The following FOCAD variants were observed in gnomAD, a reference collection of about 807,000 sequenced individuals.
The protein encoded by FOCAD is KIAA1797.
Under a neutral mutation model 225.6 loss-of-function variants are expected in FOCAD, and 198 were observed. That is an observed-to-expected ratio of 0.88 (90% confidence interval 0.78 to 0.99). FOCAD has a LOEUF of 0.99. Among genes scored for constraint, FOCAD ranks in the 50% least tolerant of loss-of-function variants. The pLI is 0.00. For synonymous variants in FOCAD, 897 were observed against 755.0 expected, an observed-to-expected ratio of 1.19 and a Z score of -3.08; for missense variants, 2,713 against 2,123.6, an observed-to-expected ratio of 1.28 and a Z score of -5.46.
chr9:20,828,438 A>G (rs1359834639), intron 15 of FOCAD, among the ~76,000 whole-genome samples: 3 of 152,020 alleles, frequency 2.0e-5, no homozygotes, highest in Non-Finnish European at 4.4e-5. Flanking sequence ...TCATTTTGGT[A>G]GGTAGATCTC....
intron 21 of FOCAD, among the ~76,000 whole-genome samples, chr9:20,889,675 G>A (rs1831443707): frequency 6.6e-6 from 1 of 152,144 alleles, no homozygotes; most frequent in Non-Finnish European, 1.5e-5. Flanking sequence ...CAAGTAGTAT[G>A]AGTCTTCCAA....
At chr9:20,768,476 A>G (rs892730881) in intron 7 of FOCAD, among the ~76,000 whole-genome samples, 1 of 151,568 alleles carries the variant, frequency 6.6e-6, no homozygotes, top group African/African-American at 2.4e-5. Flanking sequence ...ATGTTCTTCC[A>G]TTTGTTTGTA....
intron 11 of FOCAD, among the ~76,000 whole-genome samples, chr9:20,807,780 T>C (rs907538979): frequency 6.6e-6 from 1 of 152,182 alleles, no homozygotes; most frequent in Admixed American, 6.5e-5. Flanking sequence ...CTGGGTGTGG[T>C]GGTTCACGCC....
intron 33 of FOCAD, among the ~76,000 whole-genome samples, 177 bp downstream of exon 33, chr9:20,949,852 C>T (rs1179429983): frequency 6.6e-6 from 1 of 152,030 alleles, no homozygotes; most frequent in East Asian, 1.9e-4. Flanking sequence ...GACAAACATG[C>T]ACTACCTTTG....
chr9:20,693,682 T>G (rs1823119062), intron 1 of FOCAD, among the ~76,000 whole-genome samples: 1 of 152,060 alleles, frequency 6.6e-6, no homozygotes, highest in Non-Finnish European at 1.5e-5. Flanking sequence ...CCTGGTCTCC[T>G]TTGCAAGTAC....
chr9:20,693,581 T>C (rs2131360056), intron 1 of FOCAD, among the ~76,000 whole-genome samples: 1 of 152,366 alleles, frequency 6.6e-6, no homozygotes, highest in South Asian at 2.1e-4. Context: ...ATTTCTTAAA[T>C]GGAGGAATGA....
chr9:20,704,331 T>A (rs1318738554), intron 1 of FOCAD, among the ~76,000 whole-genome samples: 1 of 152,222 alleles, frequency 6.6e-6, no homozygotes, highest in East Asian at 1.9e-4. Flanking sequence ...TCTTCAGCTT[T>A]CATTAGCACT....
chr9:20,917,047 A>G (rs1212920058), intron 24 of FOCAD, 110 bp downstream of exon 24: 1 of 796,712 alleles, frequency 1.3e-6, no homozygotes, highest in Middle Eastern at 3.1e-4. Flanking sequence ...ATTTTAGAGT[A>G]CTTTTCAATT....
intron 1 of FOCAD, among the ~76,000 whole-genome samples, chr9:20,705,908 C>A (rs1220653855): frequency 1.4e-5 from 2 of 141,534 alleles, no homozygotes; most frequent in African/African-American, 2.6e-5. Flanking sequence ...ACTAGTTAGG[C>A]ATTATTCAGT....
At chr9:20,886,042 A>C (rs982830003) in intron 21 of FOCAD, among the ~76,000 whole-genome samples, 5 of 152,196 alleles carry the variant, frequency 3.3e-5, no homozygotes, top group African/African-American at 1.2e-4. Context: ...TAATTTATAC[A>C]TTTGGTTGTA....
intron 17 of FOCAD, among the ~76,000 whole-genome samples, 182 bp from the exon 18 acceptor site, chr9:20,866,747 T>C (rs1163193829): frequency 6.6e-6 from 1 of 151,882 alleles, no homozygotes; most frequent in Non-Finnish European, 1.5e-5. Flanking sequence ...TTGAAATTGC[T>C]AGTAAATATC....
chr9:20,779,002 T>C (rs1015975408), intron 9 of FOCAD, among the ~76,000 whole-genome samples: 14 of 152,232 alleles, frequency 9.2e-5, no homozygotes, highest in African/African-American at 3.4e-4. Flanking sequence ...AATCTAACCT[T>C]ATATGGCAGT....
At chr9:20,766,677 T>A (rs1056489675) in intron 7 of FOCAD, among the ~76,000 whole-genome samples, 1 of 152,064 alleles carries the variant, frequency 6.6e-6, no homozygotes, top group South Asian at 2.1e-4. Context: ...TTCCTTATTT[T>A]TTTCTTCACT....
intron 11 of FOCAD, among the ~76,000 whole-genome samples, chr9:20,804,380 T>G (rs1368685434): frequency 6.6e-6 from 1 of 152,084 alleles, no homozygotes; most frequent in Admixed American, 6.5e-5. Flanking sequence ...TCAGTGAACA[T>G]TTGATGAGTT....
chr9:20,677,225 A>T (rs1044690694), intron 2 of FOCAD, among the ~76,000 whole-genome samples: 7 of 152,228 alleles, frequency 4.6e-5, no homozygotes, highest in Non-Finnish European at 8.8e-5. Flanking sequence ...GTCAACTAAA[A>T]CAGATTAAAT....
At chr9:20,739,871 G>C (rs1827466508) in intron 4 of FOCAD, among the ~76,000 whole-genome samples, 1 of 152,028 alleles carries the variant, frequency 6.6e-6, no homozygotes, top group Non-Finnish European at 1.5e-5. Context: ...CATATATTTG[G>C]TTATTTTTCA....
chr9:20,861,105 A>G (rs1038503938), intron 15 of FOCAD, among the ~76,000 whole-genome samples: 2 of 151,956 alleles, frequency 1.3e-5, no homozygotes, highest in Non-Finnish European at 2.9e-5. Context: ...GATGACTCCT[A>G]CCCATTGACT....
chr9:20,716,755 T>C (rs900048444), intron 2 of FOCAD, among the ~76,000 whole-genome samples: 1 of 152,214 alleles, frequency 6.6e-6, no homozygotes, highest in African/African-American at 2.4e-5. Context: ...GAAATTGGAT[T>C]GCCTCTAGTA....
At chr9:20,783,280 G>T (rs898615898) in intron 10 of FOCAD, among the ~76,000 whole-genome samples, 6 of 152,080 alleles carry the variant, frequency 3.9e-5, no homozygotes, top group Non-Finnish European at 7.4e-5. Flanking sequence ...TTACTATTAG[G>T]GCTGTAAATA....
Sources: allele counts gnomAD v4.1 joint callset (sites outside exome capture counted in the v4.1 genomes callset), GRCh38; gene constraint gnomAD v4.1.1; transcripts MANE v1.5; gene names NCBI Gene and HGNC (gene_info 2026-07-23, HGNC 2026-07-21).